The following NCAM2 variants were observed in gnomAD, a reference collection of about 807,000 sequenced individuals.
The protein encoded by NCAM2 is N-CAM-2.
NCAM2 carries 30 observed loss-of-function variants against 98.1 expected under a neutral mutation model. That is an observed-to-expected ratio of 0.31 (90% confidence interval 0.23 to 0.41). The LOEUF is 0.41. Among genes scored for constraint, NCAM2 ranks in the 10% least tolerant of loss-of-function variants. The probability of loss-of-function intolerance (pLI) is 1.00; values close to 1 mark genes in which losing one functional copy is unlikely to be tolerated. For missense variants in NCAM2, 867 were observed against 1,005.8 expected (o/e 0.86, Z 1.87); for synonymous variants, 368 against 342.4 (o/e 1.07, Z -0.83).
chr21:21,435,214 A>G (rs1363296021), intron 12 of NCAM2, among the ~76,000 whole-genome samples: 1 of 152,196 alleles, frequency 6.6e-6, no homozygotes, highest in African/African-American at 2.4e-5. Flanking sequence ...GCTAAGATGT[A>G]AGAAACTGCA....
rs77593648 is a variant in NCAM2, at chr21:21,374,062, G to C, written c.1195+49G>C. 2,044 of 1,562,380 alleles carry C rather than the reference G, an allele frequency of 1.3e-3. 47 individuals are homozygous for C. The East Asian group carries it at 0.043, about 33-fold the overall frequency. ...TCATTAAAATAACTTTGCATGCTTT[G>C]AAACATATGATTTTTCAATAAAGAC... On this transcript the variant is annotated intron_variant, in intron 9 of 17. Coordinates refer to ENST00000400546, the MANE Select transcript of NCAM2 (RefSeq NM_004540.5).
intron 11 of NCAM2, among the ~76,000 whole-genome samples, chr21:21,419,477 A>T (rs962790655): frequency 7.3e-5 from 11 of 150,260 alleles, no homozygotes; most frequent in Non-Finnish European, 1.2e-4. Context: ...GTCATTTAGC[A>T]TTAGGTATAT....
At chr21:21,237,779 T>C (rs1461422808) in intron 1 of NCAM2, among the ~76,000 whole-genome samples, 1 of 152,238 alleles carries the variant, frequency 6.6e-6, no homozygotes, top group East Asian at 1.9e-4. Flanking sequence ...TCACAAATTA[T>C]ATAGTATAGT....
chr21:21,066,025 G>A (rs10854449), intron 1 of NCAM2, among the ~76,000 whole-genome samples: 93,409 of 151,852 alleles, frequency 0.62, 29,765 homozygotes, highest in South Asian at 0.7. Flanking sequence ...TACTGAGCAG[G>A]GAGTGTCCTT....
intron 15 of NCAM2, among the ~76,000 whole-genome samples, chr21:21,481,070 T>TCTC: frequency 6.6e-6 from 1 of 152,160 alleles, no homozygotes; most frequent in African/African-American, 2.4e-5. Flanking sequence ...AACAGGTGAA[T>TCTC]GGTATGTGAG....
At chr21:21,139,369 C>G (rs1327464896) in intron 1 of NCAM2, among the ~76,000 whole-genome samples, 1 of 152,218 alleles carries the variant, frequency 6.6e-6, no homozygotes, top group Non-Finnish European at 1.5e-5. Flanking sequence ...TTGTTTTAAG[C>G]CATCAGGTTT....
intron 5 of NCAM2, among the ~76,000 whole-genome samples, chr21:21,295,849 C>G (rs922876348): frequency 1.3e-5 from 2 of 151,492 alleles, no homozygotes; most frequent in African/African-American, 4.9e-5. Flanking sequence ...CTCTCTCTCT[C>G]TCTCTCTGTC....
At chr21:21,106,662 T>A (rs1289505126) in intron 1 of NCAM2, among the ~76,000 whole-genome samples, 1 of 151,468 alleles carries the variant, frequency 6.6e-6, no homozygotes, top group African/African-American at 2.4e-5. Flanking sequence ...TGGTATTAAT[T>A]AGAACAGAAG....
At chr21:21,250,874 T>C (rs1295457128) in intron 1 of NCAM2, among the ~76,000 whole-genome samples, 2 of 152,224 alleles carry the variant, frequency 1.3e-5, no homozygotes, top group African/African-American at 2.4e-5. Flanking sequence ...TCCACTTGTA[T>C]TTTATTCATG....
At chr21:21,529,665 C>T (rs1442142946) in intron 16 of NCAM2, among the ~76,000 whole-genome samples, 1 of 151,770 alleles carries the variant, frequency 6.6e-6, no homozygotes, top group Admixed American at 6.6e-5. Context: ...ATTAATTAAT[C>T]AATAATATCA....
At chr21:21,212,028 C>A (rs541013755) in intron 1 of NCAM2, among the ~76,000 whole-genome samples, 3 of 152,224 alleles carry the variant, frequency 2.0e-5, no homozygotes, top group Admixed American at 1.3e-4. Context: ...GTACAAATAC[C>A]CATATAACCC....
intron 9 of NCAM2, among the ~76,000 whole-genome samples, chr21:21,409,849 G>A (rs940910326): frequency 3.3e-5 from 5 of 152,148 alleles, no homozygotes; most frequent in Admixed American, 1.3e-4. Context: ...GGTGGCTCAC[G>A]CCTGTAATTC....
At chr21:21,335,452 T>A in intron 6 of NCAM2, 53 bp from the exon 7 acceptor site, 1 of 1,455,608 alleles carries the variant, frequency 6.9e-7, no homozygotes, top group Non-Finnish European at 9.2e-7. Flanking sequence ...GATTAAAATC[T>A]ACTAAATTAT....
chr21:21,435,722 A>G (rs1978307242), intron 12 of NCAM2, among the ~76,000 whole-genome samples: 1 of 152,134 alleles, frequency 6.6e-6, no homozygotes, highest in Admixed American at 6.5e-5. Flanking sequence ...ACAGTTTCTT[A>G]TGGCTGTGCT....
In NCAM2 at chr21:21,050,247, T is replaced by C. The variant is rs541568792; in HGVS notation, c.55+51629T>C. On this transcript the variant is annotated intron_variant, in intron 1 of 17. Transcript: ENST00000400546. Reference sequence around the variant, plus strand: ...ACCAGACCTAAAAAAGTGAAAGGATTAACTTTCTTAAGGATGCACTGGAGA... The same window carrying C: ...ACCAGACCTAAAAAAGTGAAAGGATCAACTTTCTTAAGGATGCACTGGAGA... Among the ~76,000 whole-genome samples, 13 of 152,334 alleles carry C rather than the reference T, an allele frequency of 8.5e-5. No homozygotes were observed. In the South Asian group the frequency reaches 2.3e-3, roughly 27 times the overall value.
chr21:21,325,600 G>A (rs1422610610), intron 6 of NCAM2, among the ~76,000 whole-genome samples: 2 of 152,082 alleles, frequency 1.3e-5, no homozygotes, highest in Non-Finnish European at 2.9e-5. Context: ...ATCATCGTCT[G>A]TCTCAGTGAC....
At position 21,358,191 on chromosome 21, in the gene NCAM2, TTC is replaced by T. The variant is rs1302037862; in HGVS notation, c.1045-15670_1045-15669del. ...TCAAATAATCTATATTTCCCTGATATTCTGTCTTGTTTAGGATTTAGATCTGT... is the reference window on the plus strand; with the variant it reads ...TCAAATAATCTATATTTCCCTGATATTGTCTTGTTTAGGATTTAGATCTGT... On this transcript the variant is annotated intron_variant, in intron 8 of 17. Transcript: ENST00000400546. Among the ~76,000 whole-genome samples the T allele has an allele frequency of 2.0e-5, 3 of 152,234 alleles. No homozygotes were observed. In the East Asian group the frequency reaches 5.8e-4, roughly 29 times the overall value.
intron 8 of NCAM2, among the ~76,000 whole-genome samples, chr21:21,354,101 CAT>C: frequency 6.6e-6 from 1 of 152,054 alleles, no homozygotes; most frequent in South Asian, 2.1e-4. Context: ...TGTTTTATAT[CAT>C]AAATATAAAG....
chr21:21,186,832 A>G (rs1040408552), intron 1 of NCAM2, among the ~76,000 whole-genome samples: 1 of 152,206 alleles, frequency 6.6e-6, no homozygotes, highest in Non-Finnish European at 1.5e-5. Flanking sequence ...CTTCTGCCTA[A>G]AAACAAAAAT....
Sources: gnomAD v4.1 joint callset for allele counts (sites outside exome capture counted in the v4.1 genomes callset) on GRCh38, gnomAD v4.1.1 for gene constraint, MANE v1.5 for transcripts, NCBI Gene and HGNC (gene_info 2026-07-23, HGNC 2026-07-21) for gene names.